HS6ST2: variants seen among roughly 807,000 people sequenced by gnomAD.
The protein encoded by HS6ST2 is heparan sulfate 6-O-sulfotransferase 2, also known as heparan-sulfate 6-O-sulfotransferase 2.
A neutral mutation model predicts 33.0 loss-of-function variants in HS6ST2; 17 were observed. The observed-to-expected ratio is 0.52, with a 90% CI of 0.35 to 0.77. The LOEUF is 0.77. Among genes scored for constraint, HS6ST2 ranks in the 30% least tolerant of loss-of-function variants. The pLI, the probability that HS6ST2 is intolerant of heterozygous loss-of-function variation, is 0.01. For synonymous variants in HS6ST2, 248 were observed against 237.1 expected (o/e 1.05, Z -0.42); for missense variants, 519 against 551.7 (o/e 0.94, Z 0.59).
At chrX:132,816,993 G>A (rs1013159215) in intron 2 of HS6ST2, among the ~76,000 whole-genome samples, 2 of 111,573 alleles carry the variant, frequency 1.8e-5, no homozygotes, top group African/African-American at 6.5e-5. Context: ...GTTAAACCTT[G>A]GAACATGTAA....
chrX:132,952,838 T>A (rs755937507), intron 2 of HS6ST2, among the ~76,000 whole-genome samples: 1 of 111,105 alleles, frequency 9.0e-6, no homozygotes, highest in East Asian at 2.8e-4. Flanking sequence ...CTACCCCTGG[T>A]GAATAAAACA....
At chrX:132,726,028 G>A (rs745700409) in intron 2 of HS6ST2, among the ~76,000 whole-genome samples, 40 of 110,739 alleles carry the variant, frequency 3.6e-4, no homozygotes, top group Non-Finnish European at 6.4e-4. Context: ...TAGTGGAGGG[G>A]GGTAGGGGGA....
chrX:132,913,049 C>T (rs1157010077), intron 2 of HS6ST2, among the ~76,000 whole-genome samples: 2 of 111,082 alleles, frequency 1.8e-5, no homozygotes, highest in East Asian at 2.9e-4. Context: ...TCCATAAAAA[C>T]CCCGGACTCA....
intron 2 of HS6ST2, among the ~76,000 whole-genome samples, chrX:132,829,376 CT>C (rs1040941874): frequency 9.3e-6 from 1 of 107,059 alleles, no homozygotes; most frequent in Non-Finnish European, 1.9e-5. Flanking sequence ...ATAGATCAAT[CT>C]ATGTATCTAT....
At chrX:132,787,157 ATATATATATG>A (rs1569490857) in intron 2 of HS6ST2, among the ~76,000 whole-genome samples, 1 of 59,638 alleles carries the variant, frequency 1.7e-5, no homozygotes, top group East Asian at 4.2e-4. Flanking sequence ...GTGTGTGTGT[ATATATATATG>A]TATATATATA....
At chrX:132,837,834 G>A (rs753415020) in intron 2 of HS6ST2, among the ~76,000 whole-genome samples, 1 of 111,922 alleles carries the variant, frequency 8.9e-6, no homozygotes, top group South Asian at 3.7e-4. Context: ...TTTGTTTGCT[G>A]TACTCTGTGC....
At chrX:132,780,066 A>G (rs1480869929) in intron 2 of HS6ST2, among the ~76,000 whole-genome samples, 1 of 110,786 alleles carries the variant, frequency 9.0e-6, no homozygotes, top group Non-Finnish European at 1.9e-5. Context: ...GGCATCAGAA[A>G]CCACCGTGCA....
At chrX:132,637,626 G>A (rs1238391199) in intron 4 of HS6ST2, among the ~76,000 whole-genome samples, 3 of 100,497 alleles carry the variant, frequency 3.0e-5, no homozygotes, top group Non-Finnish European at 5.9e-5. Flanking sequence ...TAGCAGTTAA[G>A]GTCATAGGAG....
chrX:132,746,134 A>G (rs2064638786), intron 2 of HS6ST2, among the ~76,000 whole-genome samples: 2 of 111,604 alleles, frequency 1.8e-5, no homozygotes, highest in South Asian at 7.6e-4. Context: ...ATATCTTTGC[A>G]TGTAAACCTG....
At chrX:132,733,443 C>A (rs2148279355) in intron 2 of HS6ST2, among the ~76,000 whole-genome samples, 1 of 110,182 alleles carries the variant, frequency 9.1e-6, no homozygotes, top group Non-Finnish European at 1.9e-5. Flanking sequence ...TCTAGACTAG[C>A]TACGGGTCTC....
chrX:132,675,048 G>C (rs1250578867), intron 3 of HS6ST2, among the ~76,000 whole-genome samples: 1 of 111,827 alleles, frequency 8.9e-6, no homozygotes, highest in Non-Finnish European at 1.9e-5. Flanking sequence ...GAGAAGGTTT[G>C]CAAGTTGGAT....
intron 4 of HS6ST2, among the ~76,000 whole-genome samples, chrX:132,649,595 C>T (rs1406880249): frequency 2.7e-5 from 3 of 112,342 alleles, no homozygotes; most frequent in Non-Finnish European, 5.6e-5. Context: ...TGGTGGCTCA[C>T]GCCTGTAATC....
In HS6ST2 at chrX:132,943,680, C is replaced by T. The variant is rs762533009; in HGVS notation, c.947+13128G>A. Among the ~76,000 whole-genome samples the T allele has an allele frequency of 8.4e-3, 936 of 111,178 alleles. 12 individuals carry two copies. The highest frequency in any genetic ancestry group is 0.028 in the African/African-American group (866 of 30,583). On this transcript the variant is annotated intron_variant, in intron 2 of 4. Coordinates refer to ENST00000370833, the MANE Select transcript of HS6ST2 (RefSeq NM_001394073.1). ...CCACCATGATCAAGTGGGCTTCATC[C>T]CTGGGATGCAAGGCTGGTTCAACAT...
intron 4 of HS6ST2, among the ~76,000 whole-genome samples, chrX:132,647,509 T>C (rs2063655667): frequency 1.8e-5 from 2 of 112,193 alleles, no homozygotes; most frequent in South Asian, 3.7e-4. Flanking sequence ...ATCCTCAACA[T>C]GCCTCTGGGA....
chrX:132,898,552 A>G (rs1316184434), intron 2 of HS6ST2, among the ~76,000 whole-genome samples: 1 of 109,358 alleles, frequency 9.1e-6, no homozygotes, highest in Admixed American at 9.9e-5. Flanking sequence ...CAACTAAAAA[A>G]CTGGACAAAA....
intron 2 of HS6ST2, among the ~76,000 whole-genome samples, chrX:132,797,077 G>T (rs756003093): frequency 9.0e-6 from 1 of 111,511 alleles, no homozygotes; most frequent in South Asian, 3.8e-4. Context: ...AGAGGATTCT[G>T]GGAAGGTAAA....
At chrX:132,700,313 A>T (rs914968486) in intron 3 of HS6ST2, among the ~76,000 whole-genome samples, 1 of 111,318 alleles carries the variant, frequency 9.0e-6, no homozygotes, top group Non-Finnish European at 1.9e-5. Flanking sequence ...AGGTCTGGAA[A>T]ATCAATGGAG....
At chrX:132,897,209 A>C (rs893450516) in intron 2 of HS6ST2, among the ~76,000 whole-genome samples, 3 of 108,936 alleles carry the variant, frequency 2.8e-5, no homozygotes, top group African/African-American at 1.0e-4. Context: ...GCCGAGTAAC[A>C]TCGAGGCTCT....
intron 2 of HS6ST2, among the ~76,000 whole-genome samples, chrX:132,870,498 C>G (rs777148724): frequency 4.5e-5 from 5 of 111,484 alleles, no homozygotes; most frequent in Admixed American, 9.6e-5. Flanking sequence ...GGAGGCATCA[C>G]GCTACCTGAC....
Sources: allele counts gnomAD v4.1 joint callset (sites outside exome capture counted in the v4.1 genomes callset), GRCh38; gene constraint gnomAD v4.1.1; transcripts MANE v1.5; gene names NCBI Gene and HGNC (gene_info 2026-07-23, HGNC 2026-07-21).